The following IRAK3 variants were observed in gnomAD, a reference collection of about 807,000 sequenced individuals.
The protein encoded by IRAK3 is interleukin-1 receptor-associated kinase 3.
Under a neutral mutation model 56.6 loss-of-function variants are expected in IRAK3, and 57 were observed. The observed-to-expected ratio is 1.01, with a 90% CI of 0.81 to 1.26. The LOEUF (loss-of-function observed/expected upper bound fraction) is 1.26, where lower values mean the gene tolerates loss of function less well. Ranked by LOEUF, IRAK3 falls within the 50% of genes most tolerant of loss-of-function variation. The pLI is 0.00. For synonymous variants in IRAK3, 258 were observed against 255.7 expected (o/e 1.01, Z -0.09); for missense variants, 703 against 719.0 (o/e 0.98, Z 0.25).
chr12:66,233,808 C>G (rs2052871750), intron 8 of IRAK3, among the ~76,000 whole-genome samples: 1 of 113,312 alleles, frequency 8.8e-6, no homozygotes, highest in Non-Finnish European at 1.8e-5. Flanking sequence ...TGCATCATAA[C>G]ATTTGATAAA....
intron 2 of IRAK3, 127 bp downstream of exon 2, chr12:66,204,020 T>A: frequency 2.4e-6 from 2 of 849,570 alleles, no homozygotes; most frequent in Non-Finnish European, 3.8e-6. Context: ...ACCTGTGGCT[T>A]TTATCTGGAA....
At chr12:66,199,976 A>G (rs1462811981) in intron 1 of IRAK3, among the ~76,000 whole-genome samples, 1 of 152,218 alleles carries the variant, frequency 6.6e-6, no homozygotes, top group Non-Finnish European at 1.5e-5. Context: ...AGGAATGAAT[A>G]TATTCTTGCC....
chr12:66,189,337 C>T lies in IRAK3; in HGVS notation c.38C>T (p.Ala13Val). The T allele has an allele frequency of 6.5e-7, 1 of 1,532,740 alleles. No homozygotes were observed. 94.9% of individuals were successfully genotyped at this position (1,532,740 alleles called of 1,614,324 possible). ...GNCGARGALS[A>V]HTLLFDLPPA... ...TGTGGGGCCCGCGGCGCGCTGTCGG[C>T]GCACACGCTGCTGTTCGACCTGCCG... is the stretch of plus-strand genomic sequence containing the variant. Residue 13 changes from alanine (A) to valine (V), a missense_variant, in exon 1 of 12, where the codon GCG becomes GTG. Transcript: ENST00000261233.
At chr12:66,204,643 C>T (rs1327589610) in intron 2 of IRAK3, among the ~76,000 whole-genome samples, 1 of 152,126 alleles carries the variant, frequency 6.6e-6, no homozygotes, top group East Asian at 1.9e-4. Flanking sequence ...ATGTTATAGA[C>T]CCAAGGCTCT....
intron 8 of IRAK3, among the ~76,000 whole-genome samples, chr12:66,232,242 C>T (rs1342080836): frequency 6.6e-6 from 1 of 152,128 alleles, no homozygotes; most frequent in Non-Finnish European, 1.5e-5. Context: ...TGTAACCCAT[C>T]CATAGAATGT....
intron 4 of IRAK3, among the ~76,000 whole-genome samples, chr12:66,210,966 C>G (rs967258154): frequency 1.3e-5 from 2 of 152,198 alleles, no homozygotes; most frequent in African/African-American, 4.8e-5. Context: ...TTTTAAAAGG[C>G]TGAATCATCT....
At chr12:66,203,673 C>G (rs576333760) in intron 1 of IRAK3, 38 bp from the exon 2 acceptor site, 1 of 1,559,946 alleles carries the variant, frequency 6.4e-7, no homozygotes, top group South Asian at 1.1e-5. Context: ...GATAAAAGTA[C>G]AGTAAACAAT....
intron 1 of IRAK3, chr12:66,196,935 T>A (rs1050159425): frequency 6.5e-7 from 1 of 1,535,600 alleles, no homozygotes; most frequent in African/African-American, 1.4e-5. Context: ...GGTTTTGGCA[T>A]GTGGTTGTAT....
intron 5 of IRAK3, among the ~76,000 whole-genome samples, 186 bp downstream of exon 5, chr12:66,211,783 T>C (rs1248978956): frequency 6.6e-6 from 1 of 152,188 alleles, no homozygotes; most frequent in Non-Finnish European, 1.5e-5. Flanking sequence ...ATGAGGAAGT[T>C]AAATGCTTTC....
intron 6 of IRAK3, among the ~76,000 whole-genome samples, chr12:66,223,636 G>A (rs1468002427): frequency 6.7e-6 from 1 of 149,636 alleles, no homozygotes; most frequent in Admixed American, 6.6e-5. Context: ...TCCAGCCTGG[G>A]CAACAGAGCG....
chr12:66,197,171 A>G (rs1230075298), intron 1 of IRAK3: 2 of 1,281,470 alleles, frequency 1.6e-6, no homozygotes, highest in Non-Finnish European at 2.0e-6. Context: ...GTGTTCCAAA[A>G]AATGGTTTTA....
rs1386832067 is a variant in IRAK3, at chr12:66,253,174, C to T, written c.*5003C>T. The T allele has an allele frequency of 6.6e-6, 1 of 152,168 alleles. No homozygotes were observed. Among genetic ancestry groups the T allele is most frequent in the East Asian group, 1.9e-4 (1 of 5,192 alleles). The allele number at this position is 152,168 out of a possible 1,614,324, so 9.4% of individuals were successfully genotyped here. On this transcript the variant is annotated 3_prime_UTR_variant, in exon 12 of 12. Transcript: ENST00000261233. ...AGAATCAAGATTGTCATCTAGATTGCACCCGAAGTTTATCTTTCTAGTATT... is the reference window on the plus strand; with the variant it reads ...AGAATCAAGATTGTCATCTAGATTGTACCCGAAGTTTATCTTTCTAGTATT...
chr12:66,207,339 G>A (rs2052567209), intron 2 of IRAK3, among the ~76,000 whole-genome samples: 1 of 152,092 alleles, frequency 6.6e-6, no homozygotes, highest in South Asian at 2.1e-4. Context: ...GGGCGTGGCA[G>A]CATGCGCCTG....
At chr12:66,214,703 A>G (rs1483721943) in intron 5 of IRAK3, among the ~76,000 whole-genome samples, 1 of 152,226 alleles carries the variant, frequency 6.6e-6, no homozygotes, top group African/African-American at 2.4e-5. Flanking sequence ...TAAAAAAATG[A>G]GCCTTTAAAA....
chr12:66,215,786 G>GCACA (rs71096080), intron 5 of IRAK3, among the ~76,000 whole-genome samples: 8,318 of 122,414 alleles, frequency 0.068, 330 homozygotes, highest in East Asian at 0.15. Flanking sequence ...AACCCAACAT[G>GCACA]CACACACACA....
rs117701675 is a variant in IRAK3 at position 66,253,358 on chromosome 12, C to A, written c.*5187C>A. On this transcript the variant is annotated 3_prime_UTR_variant, in exon 12 of 12. Coordinates refer to ENST00000261233, the MANE Select transcript of IRAK3 (RefSeq NM_007199.3). ...CTCTATGGTGGAAAATATTCCCAAA[C>A]CATGTCTAAGCAATGAAAAACCAGT... The A allele has an allele frequency of 6.6e-6, 1 of 152,152 alleles. No individual in the cohort carries two copies. Among genetic ancestry groups the A allele is most frequent in the African/African-American group, 2.4e-5 (1 of 41,444 alleles). 9.4% of individuals were successfully genotyped at this position (152,152 alleles called of 1,614,324 possible). A position where few individuals can be genotyped will look rare whatever the true frequency, so the allele number is the denominator to read the frequency against.
At chr12:66,227,957 A>C (rs1445844101) in intron 7 of IRAK3, among the ~76,000 whole-genome samples, 1 of 152,196 alleles carries the variant, frequency 6.6e-6, no homozygotes, top group Non-Finnish European at 1.5e-5. Context: ...GTAACTTAAA[A>C]ATCTTATTTA....
chr12:66,198,267 T>TA (rs1476260981), intron 1 of IRAK3: 1 of 188,302 alleles, frequency 5.3e-6, no homozygotes, highest in Non-Finnish European at 9.9e-6. Context: ...ATTGAACGTG[T>TA]ACTATGTGGC....
chr12:66,199,372 C>T (rs1050785836), intron 1 of IRAK3, among the ~76,000 whole-genome samples: 3 of 152,280 alleles, frequency 2.0e-5, no homozygotes, highest in South Asian at 2.1e-4. Context: ...CAGAGGCCCA[C>T]GGGAATGCTC....
Sources: allele counts gnomAD v4.1 joint callset (sites outside exome capture counted in the v4.1 genomes callset), GRCh38; gene constraint gnomAD v4.1.1; transcripts MANE v1.5; gene names NCBI Gene and HGNC (gene_info 2026-07-23, HGNC 2026-07-21).